Variants in RAB3C observed in about 807,000 individuals in gnomAD.
RAB3C encodes the protein RAB3C, member RAS oncogene family, also known as ras-related protein Rab-3C.
A neutral mutation model predicts 26.4 loss-of-function variants in RAB3C; 17 were observed. The ratio of observed to expected loss-of-function variants is 0.64; its 90% CI spans 0.44 to 0.97. RAB3C has a LOEUF of 0.97. RAB3C is among the 50% of genes least tolerant of loss of function. The pLI, the probability that RAB3C is intolerant of heterozygous loss-of-function variation, is 0.00. For missense variants in RAB3C, 242 were observed against 281.9 expected, an observed-to-expected ratio of 0.86 and a Z score of 1.01; for synonymous variants, 91 against 95.9, an observed-to-expected ratio of 0.95 and a Z score of 0.30.
chr5:58,686,857 C>T (rs950892232), intron 2 of RAB3C, among the ~76,000 whole-genome samples: 2 of 152,076 alleles, frequency 1.3e-5, no homozygotes, highest in African/African-American at 4.8e-5. Context: ...GCCCATTGAC[C>T]ACTAACACAG....
chr5:58,718,637 A>G (rs1180470711), intron 2 of RAB3C, among the ~76,000 whole-genome samples: 3 of 152,104 alleles, frequency 2.0e-5, no homozygotes, highest in Admixed American at 6.6e-5. Flanking sequence ...AATCTGATCA[A>G]TAAAATCTGC....
At chr5:58,736,519 A>G (rs919898460) in intron 3 of RAB3C, among the ~76,000 whole-genome samples, 3 of 152,186 alleles carry the variant, frequency 2.0e-5, no homozygotes, top group African/African-American at 7.2e-5. Flanking sequence ...CGGCTTTGCA[A>G]TAAACCTCTT....
intron 4 of RAB3C, among the ~76,000 whole-genome samples, chr5:58,839,786 A>G (rs961804567): frequency 9.2e-5 from 14 of 152,136 alleles, no homozygotes; most frequent in Admixed American, 5.9e-4. Flanking sequence ...ACTTCCTTGA[A>G]CACTTCTTGT....
At chr5:58,664,769 T>G (rs556784149) in intron 2 of RAB3C, among the ~76,000 whole-genome samples, 105 of 152,164 alleles carry the variant, frequency 6.9e-4, no homozygotes, top group Non-Finnish European at 1.3e-3. Flanking sequence ...TCTAGTAGCT[T>G]CCCATAATAT....
intron 2 of RAB3C, among the ~76,000 whole-genome samples, chr5:58,623,209 T>G (rs989210424): frequency 6.6e-5 from 10 of 152,216 alleles, no homozygotes; most frequent in African/African-American, 2.4e-4. Flanking sequence ...GAATGCTGTT[T>G]CTGCTGTTGG....
chr5:58,644,427 C>T (rs188842507), intron 2 of RAB3C: 10 of 152,044 alleles, frequency 6.6e-5, no homozygotes, highest in Non-Finnish European at 1.2e-4. Context: ...TGCCTAGCCC[C>T]GTGCCTGCAT....
intron 2 of RAB3C, among the ~76,000 whole-genome samples, chr5:58,659,817 G>A (rs942056012): frequency 6.6e-6 from 1 of 151,994 alleles, no homozygotes; most frequent in African/African-American, 2.4e-5. Context: ...AGCTTGTTTT[G>A]TTTTGAGACA....
intron 3 of RAB3C, among the ~76,000 whole-genome samples, chr5:58,748,771 C>T (rs1741458525): frequency 1.3e-5 from 2 of 152,300 alleles, no homozygotes; most frequent in East Asian, 3.9e-4. Context: ...GCTCCTTCTT[C>T]TATAACATAG....
intron 3 of RAB3C, among the ~76,000 whole-genome samples, chr5:58,738,008 G>A (rs143088002): frequency 1.8e-4 from 27 of 152,258 alleles, no homozygotes; most frequent in African/African-American, 5.1e-4. Context: ...TTTTTGGATG[G>A]GGGTATATTT....
At chr5:58,629,962 G>T (rs1004119572) in intron 2 of RAB3C, among the ~76,000 whole-genome samples, 1 of 152,208 alleles carries the variant, frequency 6.6e-6, no homozygotes, top group Non-Finnish European at 1.5e-5. Flanking sequence ...AGATAAGGAG[G>T]TTGGTTTCCT....
At chr5:58,721,936 T>A (rs1740779111) in intron 2 of RAB3C, among the ~76,000 whole-genome samples, 1 of 140,938 alleles carries the variant, frequency 7.1e-6, no homozygotes, top group East Asian at 2.0e-4. Flanking sequence ...AAGCTTCTAT[T>A]TTTTTTTTCT....
rs112037311 is a variant in RAB3C, at chr5:58,598,229, A to G, written c.24+14997A>G. 4.4e-4 allele frequency among the ~76,000 whole-genome samples: 49 copies of G among 110,808 alleles called. 5 individuals carry two copies. The highest frequency in any genetic ancestry group is 1.7e-3 in the African/African-American group (44 of 25,474). The allele number at this position is 110,808 out of a possible 152,430, so 72.7% of individuals were successfully genotyped here. ...TACGATAACATGTAATACATTATATATAAGTATATGATAATATGTAATACA... is the reference window on the plus strand; with the variant it reads ...TACGATAACATGTAATACATTATATGTAAGTATATGATAATATGTAATACA... On this transcript the variant is annotated intron_variant, in intron 1 of 4. Coordinates refer to ENST00000282878, the MANE Select transcript of RAB3C (RefSeq NM_138453.4).
intron 3 of RAB3C, among the ~76,000 whole-genome samples, chr5:58,770,660 C>A (rs1742012772): frequency 6.6e-6 from 1 of 152,006 alleles, no homozygotes; most frequent in African/African-American, 2.4e-5. Context: ...TCTTTAAAAA[C>A]CTTGGGATCT....
chr5:58,693,546 T>A (rs758259932), intron 2 of RAB3C, among the ~76,000 whole-genome samples: 14 of 151,976 alleles, frequency 9.2e-5, no homozygotes, highest in Non-Finnish European at 2.1e-4. Flanking sequence ...TTGTTTACTG[T>A]TCTTTGATTA....
At chr5:58,735,052 G>A (rs1237452575) in intron 3 of RAB3C, among the ~76,000 whole-genome samples, 1 of 152,162 alleles carries the variant, frequency 6.6e-6, no homozygotes, top group Non-Finnish European at 1.5e-5. Context: ...TCTGACTCAT[G>A]CCTGAAAGGT....
chr5:58,695,084 A>G (rs769808750), intron 2 of RAB3C, among the ~76,000 whole-genome samples: 10 of 152,190 alleles, frequency 6.6e-5, no homozygotes, highest in Non-Finnish European at 1.2e-4. Context: ...TAAGTCTTTA[A>G]TCCATCTTGA....
intron 3 of RAB3C, among the ~76,000 whole-genome samples, chr5:58,766,121 T>G (rs1398009514): frequency 6.8e-6 from 1 of 146,514 alleles, no homozygotes; most frequent in Non-Finnish European, 1.5e-5. Context: ...AGGTAATTCT[T>G]TTTTTTTTTT....
At chr5:58,699,635 C>A (rs1015092356) in intron 2 of RAB3C, among the ~76,000 whole-genome samples, 2 of 152,160 alleles carry the variant, frequency 1.3e-5, no homozygotes, top group African/African-American at 4.8e-5. Context: ...TTAGAGCTTC[C>A]CTGCTGCTTT....
chr5:58,635,971 A>G (rs1348374246), intron 2 of RAB3C, among the ~76,000 whole-genome samples: 1 of 152,224 alleles, frequency 6.6e-6, no homozygotes, highest in Non-Finnish European at 1.5e-5. Context: ...CACTGAGTAT[A>G]TTAAAAATAA....
Sources: gnomAD v4.1 joint callset for allele counts (sites outside exome capture counted in the v4.1 genomes callset) on GRCh38, gnomAD v4.1.1 for gene constraint, MANE v1.5 for transcripts, NCBI Gene and HGNC (gene_info 2026-07-23, HGNC 2026-07-21) for gene names.